NEMP2: variants seen among roughly 807,000 people sequenced by gnomAD.
The protein encoded by NEMP2 is nuclear envelope integral membrane protein 2.
Under a neutral mutation model 54.2 loss-of-function variants are expected in NEMP2, and 53 were observed. That is an observed-to-expected ratio of 0.98 (90% CI 0.78 to 1.23). The LOEUF (loss-of-function observed/expected upper bound fraction) is 1.23, where lower values mean the gene tolerates loss of function less well. NEMP2 is among the 50% of genes most tolerant of loss of function. The pLI, the probability that NEMP2 is intolerant of heterozygous loss-of-function variation, is 0.00. For missense variants in NEMP2, 455 were observed against 511.3 expected (o/e 0.89, Z 1.06); for synonymous variants, 197 against 190.3 (o/e 1.04, Z -0.29).
chr2:190,531,649 A>T lies in NEMP2; in HGVS notation c.97+2910T>A, dbSNP rs80178643. ...CCACTCAATTTATGAATATTCAATTAATCTAATTTTAGAATTACATATCTA... is the reference window on the plus strand; with the variant it reads ...CCACTCAATTTATGAATATTCAATTTATCTAATTTTAGAATTACATATCTA... On this transcript the variant is annotated intron_variant, in intron 1 of 8. Coordinates refer to ENST00000409150, the MANE Select transcript of NEMP2 (RefSeq NM_001142645.2). This position sits in a 1 kb window ranked among gnomAD's most constrained non-coding sequence, Gnocchi z 4.7. Among the ~76,000 whole-genome samples, 142 of 152,322 alleles carry T rather than the reference A, an allele frequency of 9.3e-4. No homozygotes were observed. Among genetic ancestry groups the T allele is most frequent in the Middle Eastern group, 3.4e-3 (1 of 294 alleles).
At chr2:190,590,078 G>A in the NEMP2 span, among the ~76,000 whole-genome samples, 1 of 152,194 alleles carries the variant, frequency 6.6e-6, no homozygotes, top group Non-Finnish European at 1.5e-5. The surrounding 1 kb of genome is among the most constrained non-coding windows in gnomAD (Gnocchi z 5.1). Context: ...TGGGCACAAA[G>A]TAAAGGTCTC....
chr2:190,458,085 T>A, the NEMP2 span, among the ~76,000 whole-genome samples: 162 of 152,268 alleles, frequency 1.1e-3, 1 homozygote, highest in African/African-American at 3.7e-3. The surrounding 1 kb of genome is among the most constrained non-coding windows in gnomAD (Gnocchi z 5.3). Context: ...GTTGCTGGTC[T>A]AGGGAGGAAA....
the NEMP2 span, among the ~76,000 whole-genome samples, chr2:190,447,089 TA>T: frequency 1.2e-4 from 17 of 136,210 alleles, no homozygotes; most frequent in South Asian, 2.5e-4. The surrounding 1 kb of genome is among the most constrained non-coding windows in gnomAD (Gnocchi z 4.5). Flanking sequence ...ATAGGCTCAG[TA>T]AAAAAAAAAA....
rs184333664 is a variant in NEMP2, at chr2:190,519,930, T to C, written c.214-747A>G. Among the ~76,000 whole-genome samples, 271 of 152,328 alleles carry C rather than the reference T, an allele frequency of 1.8e-3. 1 individual carries two copies. The highest frequency in any genetic ancestry group is 5.6e-3 in the African/African-American group (234 of 41,570). ...AACAGCATGTGCTCACTTCATGTCT[T>C]TGTGTCAGCATGTTTTAGCAATAAA... On this transcript the variant is annotated intron_variant, in intron 2 of 8. Transcript: ENST00000409150. This position sits in a 1 kb window ranked among gnomAD's most constrained non-coding sequence, Gnocchi z 5.4.
At chr2:190,636,598 T>A in the NEMP2 span, among the ~76,000 whole-genome samples, 2 of 152,348 alleles carry the variant, frequency 1.3e-5, no homozygotes, top group African/African-American at 2.4e-5. Context: ...ACTCACAGGC[T>A]GAGAATGCCC....
chr2:190,442,667 T>C, the NEMP2 span: 14 of 152,132 alleles, frequency 9.2e-5, no homozygotes, highest in African/African-American at 3.4e-4. Context: ...ACCCCTACAT[T>C]TCCAGCTTGG....
the NEMP2 span, among the ~76,000 whole-genome samples, chr2:190,578,484 G>T: frequency 5.5e-3 from 832 of 152,272 alleles, 1 homozygote; most frequent in Non-Finnish European, 9.1e-3. The surrounding 1 kb of genome is among the most constrained non-coding windows in gnomAD (Gnocchi z 4.4). Flanking sequence ...GCAAAGGCAG[G>T]TGGGCCGGGA....
At chr2:190,526,083 A>C (rs1402242416) in intron 1 of NEMP2, among the ~76,000 whole-genome samples, 1 of 152,240 alleles carries the variant, frequency 6.6e-6, no homozygotes, top group Non-Finnish European at 1.5e-5. Context: ...ATAAGGCACT[A>C]TGAAGTTCCT....
the NEMP2 span, chr2:190,465,039 C>A: frequency 4.1e-6 from 2 of 488,558 alleles, no homozygotes; most frequent in Non-Finnish European, 5.3e-6. This position sits in a 1 kb window ranked among gnomAD's most constrained non-coding sequence, Gnocchi z 4.6. Flanking sequence ...CTTGAACACT[C>A]TTGAAAAAAA....
chr2:190,532,288 T>C (rs1198510876), intron 1 of NEMP2, among the ~76,000 whole-genome samples: 1 of 152,204 alleles, frequency 6.6e-6, no homozygotes, highest in Non-Finnish European at 1.5e-5. Context: ...TGAATATTCA[T>C]CTTTTTCTTT....
Position 190,519,016 on chromosome 2 carries a change from A to T in NEMP2, c.381T>A (p.Thr127=). Residue 127 remains threonine, a synonymous_variant, in exon 3 of 9, where the codon ACT becomes ACA. Transcript: ENST00000409150. This position sits in a 1 kb window ranked among gnomAD's most constrained non-coding sequence, Gnocchi z 5.4. ...ITIIINPYRE[T]VCFSVEPVKK... Reference sequence around the variant, plus strand: ...TGACAGGCTCCACAGAGAAGCACACAGTCTCCCTGTATGGATTGATGATTA... The same window carrying T: ...TGACAGGCTCCACAGAGAAGCACACTGTCTCCCTGTATGGATTGATGATTA... The T allele has an allele frequency of 6.4e-7, 1 of 1,551,492 alleles. No homozygotes were observed. The highest frequency in any genetic ancestry group is 8.7e-7 in the Non-Finnish European group (1 of 1,146,954).
At chr2:190,564,118 C>CAT in the NEMP2 span, among the ~76,000 whole-genome samples, 1 of 152,252 alleles carries the variant, frequency 6.6e-6, no homozygotes, top group Admixed American at 6.5e-5. This position sits in a 1 kb window ranked among gnomAD's most constrained non-coding sequence, Gnocchi z 4.2. Context: ...GAGCTCAGAT[C>CAT]ATATGCCACA....
chr2:190,562,799 T>A, the NEMP2 span, among the ~76,000 whole-genome samples: 3 of 152,200 alleles, frequency 2.0e-5, no homozygotes, highest in Non-Finnish European at 4.4e-5. This position sits in a 1 kb window ranked among gnomAD's most constrained non-coding sequence, Gnocchi z 5.0. Context: ...AAGTACCCTT[T>A]TCTTCCTAGG....
At chr2:190,615,747 T>G in the NEMP2 span, among the ~76,000 whole-genome samples, 1 of 152,166 alleles carries the variant, frequency 6.6e-6, no homozygotes, top group East Asian at 1.9e-4. The surrounding 1 kb of genome is among the most constrained non-coding windows in gnomAD (Gnocchi z 4.7). Context: ...CCTAGTGATC[T>G]CATTAGCACA....
rs558520616 is a variant in NEMP2, at chr2:190,523,441, G to A, written c.213+1822C>T. On this transcript the variant is annotated intron_variant, in intron 2 of 8. Transcript: ENST00000409150. This position sits in a 1 kb window ranked among gnomAD's most constrained non-coding sequence, Gnocchi z 5.3. ...TATCAGAGAAGGGAATTACAAATAC[G>A]AAAACTGGAAAACTAGCATGAACCC... Among the ~76,000 whole-genome samples the A allele has an allele frequency of 9.9e-5, 15 of 152,248 alleles. No homozygotes were observed. The East Asian group carries it at 1.2e-3, about 12-fold the overall frequency.
the NEMP2 span, chr2:190,436,570 A>T: frequency 6.2e-7 from 1 of 1,614,216 alleles, no homozygotes; most frequent in Non-Finnish European, 8.5e-7. This position sits in a 1 kb window ranked among gnomAD's most constrained non-coding sequence, Gnocchi z 5.3. Flanking sequence ...TATCCTGCCA[A>T]CAAATTCTTC....
chr2:190,497,702 G>C, the NEMP2 span: 1 of 1,613,856 alleles, frequency 6.2e-7, no homozygotes, highest in Non-Finnish European at 8.5e-7. This position sits in a 1 kb window ranked among gnomAD's most constrained non-coding sequence, Gnocchi z 5.2. Context: ...CCGTGCTTCT[G>C]AGATACAGCC....
the NEMP2 span, among the ~76,000 whole-genome samples, chr2:190,474,863 C>G: frequency 6.6e-6 from 1 of 152,172 alleles, no homozygotes; most frequent in African/African-American, 2.4e-5. Context: ...AAAAGCTTAT[C>G]CACCATGATC....
At position 190,514,780 on chromosome 2, in the gene NEMP2, C is replaced by T; in HGVS notation, c.728-102G>A. 1.7e-6 allele frequency: 2 copies of T among 1,160,824 alleles called. No homozygotes were observed. Among genetic ancestry groups the T allele is most frequent in the East Asian group, 2.6e-5 (1 of 38,888 alleles). The allele number at this position is 1,160,824 out of a possible 1,614,324, so 71.9% of individuals were successfully genotyped here. A position where few individuals can be genotyped will look rare whatever the true frequency, so the allele number is the denominator to read the frequency against. ...TTAAAGGTAAAAACTATTAGAGAAC[C>T]TTAATTTTTGTGTTTTTTACCCCAT... On this transcript the variant is annotated intron_variant, in intron 6 of 8. Transcript: ENST00000409150. This position sits in a 1 kb window ranked among gnomAD's most constrained non-coding sequence, Gnocchi z 5.7.
Sources: gnomAD v4.1 joint callset for allele counts (sites outside exome capture counted in the v4.1 genomes callset) on GRCh38, gnomAD v4.1.1 for gene constraint, Gnocchi (gnomAD v3.1) non-coding constraint, MANE v1.5 for transcripts, NCBI Gene and HGNC (gene_info 2026-07-23, HGNC 2026-07-21) for gene names.